Variants in TSEN34 observed in about 807,000 individuals in gnomAD.
TSEN34 encodes tRNA-splicing endonuclease subunit Sen34.
In TSEN34, 25 loss-of-function variants were observed where a neutral mutation model predicts 30.2. The ratio of observed to expected loss-of-function variants is 0.83; its 90% CI spans 0.60 to 1.16. The LOEUF (loss-of-function observed/expected upper bound fraction) is 1.16. TSEN34 is among the 50% of genes most tolerant of loss of function. The pLI, the probability that TSEN34 is intolerant of heterozygous loss-of-function variation, is 0.00. For missense variants in TSEN34, 475 were observed against 411.9 expected (o/e 1.15, Z -1.33); for synonymous variants, 209 against 177.4 (o/e 1.18, Z -1.41).
chr19:54,191,304 C>CA, upstream of TSEN34: 1 of 1,546,382 alleles, frequency 6.5e-7, no homozygotes, highest in South Asian at 1.2e-5. Context: ...GGGTGCGCTG[C>CA]AGCGGTCCGC....
chr19:54,190,285 G>T (rs2076614657), upstream of TSEN34: 1 of 1,316,784 alleles, frequency 7.6e-7, no homozygotes, highest in African/African-American at 1.5e-5. Flanking sequence ...GTTGACGAGG[G>T]TGTCGGCATG....
Position 54,191,425 on chromosome 19 carries a change from G to A in TSEN34, c.61G>A (p.Ala21Thr). 6.5e-7 allele frequency: 1 copy of A among 1,548,576 alleles called. No homozygotes were observed. Among genetic ancestry groups the A allele is most frequent in the Non-Finnish European group, 8.7e-7 (1 of 1,146,754 alleles). The stretch of plus-strand genomic sequence containing the variant: ...GGTGTGGGGAGCCGAGGCGGTGCAG[G>A]CCCTCCGGGAGCGCCTGGGTGTGGG... Reference protein sequence around the residue: ...SLVWGAEAVQALRERLGVGGR... With the variant: ...SLVWGAEAVQTLRERLGVGGR... Residue 21 changes from alanine (A) to threonine (T), a missense_variant, in exon 1 of 4, where the codon GCC becomes ACC. By Grantham distance (58) the Ala-to-Thr change is moderately conservative. Coordinates refer to ENST00000396388, the MANE Select transcript of TSEN34 (RefSeq NM_001077446.4).
Position 54,193,534 on chromosome 19 carries a change from T to G in TSEN34, c.*172T>G, listed in dbSNP as rs2076787462. On this transcript the variant is annotated 3_prime_UTR_variant, in exon 4 of 4. Coordinates refer to ENST00000396388, the MANE Select transcript of TSEN34 (RefSeq NM_001077446.4). ...TATGTTCTTCCTTGTTTCAAAGCAC[T>G]TATTGGCTGTGTTTTTGTAGTTACC... The G allele has an allele frequency of 6.5e-7, 1 of 1,538,110 alleles. No individual in the cohort carries two copies. The highest frequency in any genetic ancestry group is 8.7e-7 in the Non-Finnish European group (1 of 1,146,056).
Position 54,191,500 on chromosome 19 carries a change from C to T in TSEN34, c.136C>T (p.Leu46=). Residue 46 remains leucine, a synonymous_variant, in exon 1 of 4, where the codon CTG becomes TTG. Transcript: ENST00000396388. ...CCGCGGGCCCCGCCAGAACTCGCGCCTGGGCCTCCCGCTGCTGCTGATGCC... is the reference window on the plus strand; with the variant it reads ...CCGCGGGCCCCGCCAGAACTCGCGCTTGGGCCTCCCGCTGCTGCTGATGCC... ...LPRGPRQNSR[L]GLPLLLMPEE... is the part of the protein sequence containing the mutation. The T allele has an allele frequency of 1.3e-6, 2 of 1,576,774 alleles. No individual in the cohort carries two copies. Among genetic ancestry groups the T allele is most frequent in the Admixed American group, 1.8e-5 (1 of 54,564 alleles).
At chr19:54,189,632 G>C (rs1418263125), upstream of TSEN34, 1 of 152,910 alleles carries the variant, frequency 6.5e-6, no homozygotes, top group Non-Finnish European at 1.5e-5. Context: ...CTCGGAACAA[G>C]GAGGAGCCAA....
In TSEN34 at chr19:54,193,924, G is replaced by C; in HGVS notation, c.*562G>C. 1.9e-6 allele frequency: 1 copy of C among 527,142 alleles called. No homozygotes were observed. 32.7% of individuals were successfully genotyped at this position (527,142 alleles called of 1,614,324 possible). A position where few individuals can be genotyped will look rare whatever the true frequency, so the allele number is the denominator to read the frequency against. ...CGTTATAAATAAAAATATAGGCTGG[G>C]CACGATGACCCACACCTGTAATCCC... On this transcript the variant is annotated 3_prime_UTR_variant, in exon 4 of 4. Coordinates refer to ENST00000396388, the MANE Select transcript of TSEN34 (RefSeq NM_001077446.4).
In TSEN34 at chr19:54,193,464, C is replaced by T. The variant is rs572563132; in HGVS notation, c.*102C>T. 396 of 1,570,688 alleles carry T rather than the reference C, an allele frequency of 2.5e-4. 1 individual carries two copies. Among genetic ancestry groups the T allele is most frequent in the Non-Finnish European group, 2.8e-4 (319 of 1,158,044 alleles). On this transcript the variant is annotated 3_prime_UTR_variant, in exon 4 of 4. Coordinates refer to ENST00000396388, the MANE Select transcript of TSEN34 (RefSeq NM_001077446.4). ...TCTAGAACATCCTCCTACCTTTCTC[C>T]GCGGTTAGTTTTTGATTCCAGGTTT...
At chr19:54,192,448 T>C in intron 3 of TSEN34, 75 bp downstream of exon 3, 10 of 1,593,300 alleles carry the variant, frequency 6.3e-6, no homozygotes, top group Non-Finnish European at 6.8e-6. Context: ...TTTCTTTTTT[T>C]TTTTTTTTGT....
upstream of TSEN34, chr19:54,190,402 G>A: frequency 1.3e-6 from 2 of 1,484,714 alleles, no homozygotes; most frequent in Non-Finnish European, 1.8e-6. Context: ...GTGGACAGTG[G>A]GACATTCTGA....
chr19:54,193,463 C>T lies in TSEN34; in HGVS notation c.*101C>T. The T allele has an allele frequency of 6.4e-7, 1 of 1,571,702 alleles. No homozygotes were observed. The highest frequency in any genetic ancestry group is 8.6e-7 in the Non-Finnish European group (1 of 1,158,614). ...GTCTAGAACATCCTCCTACCTTTCT[C>T]CGCGGTTAGTTTTTGATTCCAGGTT... is the stretch of plus-strand genomic sequence containing the variant. On this transcript the variant is annotated 3_prime_UTR_variant, in exon 4 of 4. Coordinates refer to ENST00000396388, the MANE Select transcript of TSEN34 (RefSeq NM_001077446.4).
At chr19:54,193,054 C>A in intron 3 of TSEN34, 121 bp from the exon 4 acceptor site, 1 of 1,320,780 alleles carries the variant, frequency 7.6e-7, no homozygotes, top group Non-Finnish European at 1.1e-6. Context: ...CCAAGAGCAT[C>A]TGTTTTAGAG....
upstream of TSEN34, chr19:54,190,263 CG>C: frequency 8.9e-7 from 1 of 1,123,572 alleles, no homozygotes; most frequent in South Asian, 1.4e-5. Flanking sequence ...GCTGATGGGG[CG>C]GGATGACGAA....
In TSEN34 at chr19:54,193,545, G is replaced by A; in HGVS notation, c.*183G>A. 1 of 1,536,376 alleles carries A rather than the reference G, an allele frequency of 6.5e-7. No homozygotes were observed. The highest frequency in any genetic ancestry group is 2.0e-5 in the Admixed American group (1 of 50,810). On this transcript the variant is annotated 3_prime_UTR_variant, in exon 4 of 4. Coordinates refer to ENST00000396388, the MANE Select transcript of TSEN34 (RefSeq NM_001077446.4). ...TTGTTTCAAAGCACTTATTGGCTGT[G>A]TTTTTGTAGTTACCTATTTTCACAC...
Position 54,192,514 on chromosome 19 carries a change from G to A in TSEN34, c.745+141G>A. The A allele has an allele frequency of 3.4e-6, 4 of 1,184,388 alleles. No individual in the cohort carries two copies. The South Asian group carries it at 5.4e-5, about 16-fold the overall frequency. The allele number at this position is 1,184,388 out of a possible 1,614,324, so 73.4% of individuals were successfully genotyped here. A position where few individuals can be genotyped will look rare whatever the true frequency, so the allele number is the denominator to read the frequency against. ...GGCTGGTCCCTATTCCTGGGCTCAA[G>A]CAATCCTTCCACCTCGGCCCCCCAA... On this transcript the variant is annotated intron_variant, in intron 3 of 3. Coordinates refer to ENST00000396388, the MANE Select transcript of TSEN34 (RefSeq NM_001077446.4).
rs751708919 is a variant in TSEN34 at position 54,193,645 on chromosome 19, A to G, written c.*283A>G. ...AGGGTTTAAGTCTCAGGAGGTCTCAATAAACTTGGTATATAAATGTTCATG... is the reference window on the plus strand; with the variant it reads ...AGGGTTTAAGTCTCAGGAGGTCTCAGTAAACTTGGTATATAAATGTTCATG... On this transcript the variant is annotated 3_prime_UTR_variant, in exon 4 of 4. Coordinates refer to ENST00000396388, the MANE Select transcript of TSEN34 (RefSeq NM_001077446.4). 8.7e-6 allele frequency: 9 copies of G among 1,035,602 alleles called. No homozygotes were observed. The highest frequency in any genetic ancestry group is 6.4e-5 in the African/African-American group (4 of 62,990). 64.2% of individuals were successfully genotyped at this position (1,035,602 alleles called of 1,614,324 possible).
rs765470633 is a variant in TSEN34 at position 54,191,334 on chromosome 19, A to T, written c.-31A>T. On this transcript the variant is annotated 5_prime_UTR_variant, in exon 1 of 4. Coordinates refer to ENST00000396388, the MANE Select transcript of TSEN34 (RefSeq NM_001077446.4). ...GTCCGCGGCGCGCAGCTGTTTCGGT[A>T]ACTGCTTTGCCTCCCGGCTCCCGCA... is the stretch of plus-strand genomic sequence containing the variant. The T allele has an allele frequency of 1.4e-5, 21 of 1,548,362 alleles. No individual in the cohort carries two copies. The highest frequency in any genetic ancestry group is 1.7e-5 in the Non-Finnish European group (20 of 1,146,440).
chr19:54,190,372 G>A (rs1211840194), upstream of TSEN34: 3 of 1,513,476 alleles, frequency 2.0e-6, no homozygotes, highest in Non-Finnish European at 2.7e-6. Context: ...TGTTTATGAG[G>A]TGACTCGCTG....
At chr19:54,190,905 GCTT>G, upstream of TSEN34, 1 of 1,050,212 alleles carries the variant, frequency 9.5e-7, no homozygotes, top group Non-Finnish European at 1.1e-6. Context: ...AGCCTCCAGA[GCTT>G]CTGACCGCTG....
upstream of TSEN34, chr19:54,191,170 G>C (rs2076669876): frequency 7.2e-7 from 1 of 1,383,268 alleles, no homozygotes; most frequent in Non-Finnish European, 9.3e-7. Context: ...CGGCCGCGAG[G>C]CCTGGTGGGA....
Sources: gnomAD v4.1 joint callset for allele counts on GRCh38, gnomAD v4.1.1 for gene constraint, MANE v1.5 for transcripts, NCBI Gene and HGNC (gene_info 2026-07-23, HGNC 2026-07-21) for gene names.